Variants in PTBP2 observed in about 807,000 individuals in gnomAD.
The protein encoded by PTBP2 is polypyrimidine tract binding protein 2.
Under a neutral mutation model 61.4 loss-of-function variants are expected in PTBP2, and 13 were observed. The observed-to-expected ratio is 0.21, with a 90% CI of 0.14 to 0.34. PTBP2 has a LOEUF of 0.34. Among genes scored for constraint, PTBP2 ranks in the 10% least tolerant of loss-of-function variants. PTBP2 has a pLI of 1.00. For missense variants in PTBP2, 405 were observed against 642.6 expected (o/e 0.63, Z 4.00); for synonymous variants, 215 against 218.5 (o/e 0.98, Z 0.14).
chr1:96,756,064 G>A (rs2100935127), intron 3 of PTBP2, among the ~76,000 whole-genome samples: 1 of 152,318 alleles, frequency 6.6e-6, no homozygotes, highest in Non-Finnish European at 1.5e-5. Flanking sequence ...GTGGAATGCA[G>A]AGTGGTACAG....
At chr1:96,754,801 C>T (rs6666522) in intron 3 of PTBP2, among the ~76,000 whole-genome samples, 30,971 of 151,706 alleles carry the variant, frequency 0.2, 3,345 homozygotes, top group African/African-American at 0.27. Context: ...TGGAGCTATC[C>T]GTATGCAAAA....
downstream of PTBP2, chr1:96,815,681 T>C (rs1188177966): frequency 1.3e-5 from 2 of 152,130 alleles, no homozygotes; most frequent in African/African-American, 4.8e-5. Context: ...AAAATATGTT[T>C]TACTATACTT....
rs536362737 is a variant in PTBP2, at chr1:96,785,205, A to G, written c.855A>G (p.Ala285=). The change falls in exon 8 of 14, where the codon GCA becomes GCG. Residue 285 remains alanine (A), a synonymous_variant. Coordinates refer to ENST00000674951, the MANE Select transcript of PTBP2 (RefSeq NM_021190.4). ...PDLPSGDGQP[A]LDPAIAAAFA... ...TTCCATCTGGGGATGGACAACCTGC[A>G]TTGGACCCAGCTATTGCTGCAGCAT... The G allele has an allele frequency of 7.5e-6, 12 of 1,607,778 alleles. No homozygotes were observed. The South Asian group carries it at 1.1e-4, about 15-fold the overall frequency.
intron 7 of PTBP2, among the ~76,000 whole-genome samples, chr1:96,782,136 T>C (rs1369252776): frequency 2.0e-5 from 3 of 152,120 alleles, no homozygotes; most frequent in Non-Finnish European, 2.9e-5. Context: ...GTTTTTGTTA[T>C]TAGAAACAGC....
intron 3 of PTBP2, among the ~76,000 whole-genome samples, chr1:96,763,226 C>A (rs1570846051): frequency 2.6e-5 from 4 of 152,064 alleles, no homozygotes; most frequent in African/African-American, 9.7e-5. Flanking sequence ...CCAAGGCAGG[C>A]GGCTGGGAGG....
At chr1:96,743,500 T>G (rs1258910985) in intron 2 of PTBP2, among the ~76,000 whole-genome samples, 1 of 152,158 alleles carries the variant, frequency 6.6e-6, no homozygotes, top group Non-Finnish European at 1.5e-5. Context: ...CACCTAATAG[T>G]TTTTAGTAGC....
At chr1:96,722,346 A>C (rs1649708062) in intron 1 of PTBP2, among the ~76,000 whole-genome samples, 1 of 151,998 alleles carries the variant, frequency 6.6e-6, no homozygotes, top group Non-Finnish European at 1.5e-5. Flanking sequence ...GACCCCAGCC[A>C]TGAGCAACCT....
chr1:96,728,399 G>A (rs1257604131), intron 2 of PTBP2, among the ~76,000 whole-genome samples: 1 of 152,182 alleles, frequency 6.6e-6, no homozygotes, highest in Non-Finnish European at 1.5e-5. Context: ...ATTTGGTTTT[G>A]CATGGGGATA....
chr1:96,822,443 A>G (rs768575268), exon 14 of PTBP2: 2 of 152,176 alleles, frequency 1.3e-5, no homozygotes, highest in African/African-American at 4.8e-5. Context: ...TAGAATAGTC[A>G]GATTATAGGC....
At chr1:96,796,580 A>G (rs1045030294) in intron 8 of PTBP2, among the ~76,000 whole-genome samples, 1 of 152,204 alleles carries the variant, frequency 6.6e-6, no homozygotes, top group African/African-American at 2.4e-5. Context: ...CTAAAAGTGG[A>G]TAACAAAATA....
chr1:96,781,884 T>G (rs1488775883), intron 7 of PTBP2, among the ~76,000 whole-genome samples: 1 of 152,000 alleles, frequency 6.6e-6, no homozygotes, highest in Non-Finnish European at 1.5e-5. Flanking sequence ...CCTTAATACC[T>G]TTCAGAAAAT....
At chr1:96,779,302 A>T (rs774878935) in intron 7 of PTBP2, among the ~76,000 whole-genome samples, 2 of 152,072 alleles carry the variant, frequency 1.3e-5, no homozygotes, top group African/African-American at 4.8e-5. Flanking sequence ...GACATTTTTC[A>T]CAACTTCAAA....
intron 8 of PTBP2, among the ~76,000 whole-genome samples, chr1:96,795,226 G>A (rs1660251685): frequency 6.6e-6 from 1 of 152,128 alleles, no homozygotes; most frequent in African/African-American, 2.4e-5. Context: ...ATGGAGACTA[G>A]GAATAACAGG....
chr1:96,760,186 C>A (rs1253360939), intron 3 of PTBP2, among the ~76,000 whole-genome samples: 6 of 151,680 alleles, frequency 4.0e-5, no homozygotes, highest in African/African-American at 1.5e-4. Context: ...AAAAAAAACT[C>A]CTCCAATCAA....
chr1:96,817,313 A>G (rs1168265263), downstream of PTBP2: 1 of 152,152 alleles, frequency 6.6e-6, no homozygotes, highest in Admixed American at 6.5e-5. Context: ...TTCATTCAGA[A>G]GAAAGTACAG....
rs1657290343 is a variant in PTBP2, at chr1:96,770,799, A to G, written c.380A>G (p.Tyr127Cys). The change falls in exon 5 of 14, where the codon TAT becomes TGT. Residue 127 changes from tyrosine (Y) to cysteine (C), a missense_variant. By Grantham distance (194) the Tyr-to-Cys change is radical. Coordinates refer to ENST00000674951, the MANE Select transcript of PTBP2 (RefSeq NM_021190.4). Reference sequence around the variant, plus strand: ...CCTCATCTTCGTAACCAACCAATATATATCCAGTACTCGAATCACAAAGAA... The same window carrying G: ...CCTCATCTTCGTAACCAACCAATATGTATCCAGTACTCGAATCACAAAGAA... ...VTPHLRNQPI[Y>C]IQYSNHKELK... The G allele has an allele frequency of 1.3e-6, 2 of 1,588,980 alleles. No homozygotes were observed. The highest frequency in any genetic ancestry group is 1.7e-6 in the Non-Finnish European group (2 of 1,157,378).
intron 7 of PTBP2, among the ~76,000 whole-genome samples, chr1:96,782,959 T>C (rs1020895122): frequency 5.3e-5 from 8 of 152,020 alleles, no homozygotes; most frequent in African/African-American, 1.9e-4. Flanking sequence ...TGATTGTTTT[T>C]GCTTACTGTC....
chr1:96,787,424 G>T (rs1470151548), intron 8 of PTBP2, among the ~76,000 whole-genome samples: 2 of 152,140 alleles, frequency 1.3e-5, no homozygotes, highest in African/African-American at 4.8e-5. Context: ...TTCCACTTCT[G>T]TGTTGAATTT....
intron 8 of PTBP2, among the ~76,000 whole-genome samples, chr1:96,798,867 A>G (rs571433310): frequency 1.3e-5 from 2 of 152,354 alleles, no homozygotes; most frequent in South Asian, 2.1e-4. Flanking sequence ...TTGTAAATCT[A>G]AACCTTTTAA....
Sources: gnomAD v4.1 joint callset for allele counts (sites outside exome capture counted in the v4.1 genomes callset) on GRCh38, gnomAD v4.1.1 for gene constraint, MANE v1.5 for transcripts, NCBI Gene and HGNC (gene_info 2026-07-23, HGNC 2026-07-21) for gene names.